DMKN: variants seen among roughly 807,000 people sequenced by gnomAD.
The protein encoded by DMKN is dermokine, also known as epidermis-specific secreted protein SK30/SK89.
A neutral mutation model predicts 67.6 loss-of-function variants in DMKN; 58 were observed. The observed-to-expected ratio is 0.86, with a 90% CI of 0.69 to 1.07. The LOEUF is 1.07. Among genes scored for constraint, DMKN ranks in the 50% least tolerant of loss-of-function variants. The probability of loss-of-function intolerance (pLI) is 0.00; values close to 1 mark genes in which losing one functional copy is unlikely to be tolerated. For missense variants in DMKN, 596 were observed against 601.5 expected, an observed-to-expected ratio of 0.99 and a Z score of 0.10; for synonymous variants, 240 against 232.3, an observed-to-expected ratio of 1.03 and a Z score of -0.30.
chr19:35,510,420 C>T, intron 5 of DMKN, 168 bp from the exon 6 acceptor site: 1 of 1,552,390 alleles, frequency 6.4e-7, no homozygotes, highest in Non-Finnish European at 8.7e-7. Context: ...GGAAGTTATT[C>T]CGAGCATGGA....
At position 35,511,820 on chromosome 19, in the gene DMKN, A is replaced by G; in HGVS notation, c.685-7T>C. ...ATGGTGGGGGATTCGTGCACTGTCG[A>G]GGGAAAGGGATGGTGAGTTTGGGGA... On this transcript the variant is annotated splice_polypyrimidine_tract_variant and splice_region_variant and intron_variant, in intron 3 of 15. Coordinates refer to ENST00000339686, the MANE Select transcript of DMKN (RefSeq NM_033317.5). The G allele has an allele frequency of 6.2e-7, 1 of 1,611,820 alleles. No homozygotes were observed. The highest frequency in any genetic ancestry group is 2.2e-5 in the East Asian group (1 of 44,796).
In DMKN at chr19:35,513,610, G is replaced by T; in HGVS notation, c.-135C>A. The T allele has an allele frequency of 2.6e-6, 3 of 1,162,756 alleles. No homozygotes were observed. Among genetic ancestry groups the T allele is most frequent in the Non-Finnish European group, 3.5e-6 (3 of 850,172 alleles). 72.0% of individuals were successfully genotyped at this position (1,162,756 alleles called of 1,614,324 possible). ...CCCTGTCCTCCCTCCCTCTGGGTCT[G>T]CAGCCTTCTCTCTCCTGTCCTCAAC... On this transcript the variant is annotated 5_prime_UTR_variant, in exon 1 of 16. Coordinates refer to ENST00000339686, the MANE Select transcript of DMKN (RefSeq NM_033317.5).
At chr19:35,502,314 T>A in intron 10 of DMKN, 131 bp from the exon 11 acceptor site, 1 of 821,928 alleles carries the variant, frequency 1.2e-6, no homozygotes, top group Non-Finnish European at 2.1e-6. Context: ...TGGAGGAAGG[T>A]AAGCACGTGG....
intron 1 of DMKN, 129 bp from the exon 2 acceptor site, chr19:35,512,919 A>C: frequency 6.6e-7 from 1 of 1,512,000 alleles, no homozygotes; most frequent in Non-Finnish European, 8.8e-7. Flanking sequence ...GGAGGGGGGC[A>C]GAACATAGAA....
chr19:35,498,590 G>C, intron 15 of DMKN, 126 bp downstream of exon 15: 1 of 1,334,340 alleles, frequency 7.5e-7, no homozygotes, highest in Non-Finnish European at 1.0e-6. Context: ...CACGCACCCA[G>C]AGCATACCTG....
intron 7 of DMKN, chr19:35,509,689 T>A: frequency 1.9e-6 from 1 of 521,952 alleles, no homozygotes; most frequent in Admixed American, 3.6e-5. Context: ...CCCAGCCCCA[T>A]CTGTGGTATA....
At chr19:35,500,152 T>C in intron 12 of DMKN, 123 bp from the exon 13 acceptor site, 1 of 1,228,902 alleles carries the variant, frequency 8.1e-7, no homozygotes, top group South Asian at 1.3e-5. Context: ...CTCCCCTCCT[T>C]GTGTCACGTG....
chr19:35,511,340 G>C (rs2070714618), intron 5 of DMKN, 71 bp downstream of exon 5: 1 of 1,593,450 alleles, frequency 6.3e-7, no homozygotes, highest in Non-Finnish European at 8.5e-7. Flanking sequence ...AGAGAAACTT[G>C]GAGCCCTCTC....
chr19:35,499,967 G>T lies in DMKN; in HGVS notation c.1350C>A (p.Thr450=), dbSNP rs2068076055. The change falls in exon 13 of 16, where the codon ACC becomes ACA. Residue 450 remains threonine, a synonymous_variant. Transcript: ENST00000339686. ...TGGTTGCCGGTCTCACCTTTGCAGGGGTCTTGACTGAGTACTTCCCACCAT... is the reference window on the plus strand; with the variant it reads ...TGGTTGCCGGTCTCACCTTTGCAGGTGTCTTGACTGAGTACTTCCCACCAT... ...TAYGGKYSVK[T]PAKGGVSPSS... 6.2e-6 allele frequency: 10 copies of T among 1,613,988 alleles called. No individual in the cohort carries two copies. Among genetic ancestry groups the T allele is most frequent in the Admixed American group, 1.7e-5 (1 of 59,986 alleles).
chr19:35,510,500 G>A, intron 5 of DMKN: 1 of 1,548,836 alleles, frequency 6.5e-7, no homozygotes, highest in Non-Finnish European at 8.7e-7. Flanking sequence ...GCTGCCCACC[G>A]CAGGCCGGGG....
chr19:35,502,976 G>T, intron 9 of DMKN, 90 bp from the exon 10 acceptor site: 2 of 1,368,826 alleles, frequency 1.5e-6, no homozygotes, highest in Non-Finnish European at 2.0e-6. Context: ...TCAACCTTCA[G>T]AATGTCATTG....
chr19:35,499,909 C>G, intron 13 of DMKN, 49 bp downstream of exon 13: 1 of 1,599,716 alleles, frequency 6.3e-7, no homozygotes, highest in Non-Finnish European at 8.6e-7. Context: ...CTCTCCCCAT[C>G]CCTCATGCAG....
intron 5 of DMKN, among the ~76,000 whole-genome samples, chr19:35,510,915 AG>A (rs1293723939): frequency 2.0e-5 from 3 of 152,120 alleles, no homozygotes; most frequent in Non-Finnish European, 4.4e-5. Context: ...GCGGGGTCAC[AG>A]CGCCCCTTCC....
chr19:35,500,399 C>T lies in DMKN; in HGVS notation c.1287+134G>A, dbSNP rs1478093495. ...TCACCTTGGAAGTTACAGCTGCCACCTCCTGCCATCCTGCACCCGGCTGAG... is the reference window on the plus strand; with the variant it reads ...TCACCTTGGAAGTTACAGCTGCCACTTCCTGCCATCCTGCACCCGGCTGAG... On this transcript the variant is annotated intron_variant, in intron 12 of 15. Transcript: ENST00000339686. 3 of 1,551,930 alleles carry T rather than the reference C, an allele frequency of 1.9e-6. No individual in the cohort carries two copies. The South Asian group carries it at 3.6e-5, about 18-fold the overall frequency.
intron 7 of DMKN, chr19:35,507,368 G>A: frequency 7.5e-7 from 1 of 1,332,654 alleles, no homozygotes. Flanking sequence ...CTTGCAAGAA[G>A]AAACTGATAT....
At chr19:35,506,616 T>C (rs2069586164) in intron 7 of DMKN, 1 of 459,862 alleles carries the variant, frequency 2.2e-6, no homozygotes, top group African/African-American at 2.0e-5. Flanking sequence ...GGTTTCACTG[T>C]CCTCATTTTA....
At chr19:35,509,793 A>T in intron 7 of DMKN, 118 bp downstream of exon 7, 1 of 1,212,050 alleles carries the variant, frequency 8.3e-7, no homozygotes, top group Non-Finnish European at 1.2e-6. Context: ...CTGCCGAAAT[A>T]GTCAGTTCCC....
At chr19:35,504,595 C>G (rs1207869845) in intron 9 of DMKN, among the ~76,000 whole-genome samples, 1 of 129,792 alleles carries the variant, frequency 7.7e-6, no homozygotes, top group Admixed American at 7.5e-5. Flanking sequence ...AAAAAAAAAA[C>G]AAAAGAAAGA....
rs1599963274 is a variant in DMKN, at chr19:35,507,361, G to A, written c.1039-1375C>T. 8.8e-6 allele frequency: 11 copies of A among 1,252,246 alleles called. No homozygotes were observed. In the East Asian group the frequency reaches 2.9e-4, roughly 32 times the overall value. The allele number at this position is 1,252,246 out of a possible 1,614,324, so 77.6% of individuals were successfully genotyped here. A position where few individuals can be genotyped will look rare whatever the true frequency, so the allele number is the denominator to read the frequency against. ...ACTGGACGCAGATTCAGAGCAGCTT[G>A]CAAGAAGAAACTGATATTTTTGTTT... On this transcript the variant is annotated intron_variant, in intron 7 of 15. Transcript: ENST00000339686.
Sources: allele counts gnomAD v4.1 joint callset (sites outside exome capture counted in the v4.1 genomes callset), GRCh38; gene constraint gnomAD v4.1.1; transcripts MANE v1.5; gene names NCBI Gene and HGNC (gene_info 2026-07-23, HGNC 2026-07-21).